The following SULT4A1 variants were observed in gnomAD, a reference collection of about 807,000 sequenced individuals.
The protein encoded by SULT4A1 is sulfotransferase family 4A member 1, also known as sulfotransferase 4A1.
Under a neutral mutation model 35.2 loss-of-function variants are expected in SULT4A1, and 11 were observed. The ratio of observed to expected loss-of-function variants is 0.31; its 90% CI spans 0.20 to 0.52. The LOEUF (loss-of-function observed/expected upper bound fraction) is 0.52. Ranked by LOEUF, SULT4A1 falls within the 20% of genes least tolerant of loss-of-function variation. SULT4A1 has a pLI of 0.97. For missense variants in SULT4A1, 271 were observed against 383.7 expected (o/e 0.71, Z 2.45); for synonymous variants, 152 against 151.8 (o/e 1.00, Z -0.01).
Position 43,858,719 on chromosome 22 carries a change from C to T in SULT4A1, c.169+3495G>A, listed in dbSNP as rs558473787. ...TGGCAGGTGCTAGCTCCCACCCCCACGCCTCTCTTACCCCCTCCTGTGGGT... is the reference window on the plus strand; with the variant it reads ...TGGCAGGTGCTAGCTCCCACCCCCATGCCTCTCTTACCCCCTCCTGTGGGT... On this transcript the variant is annotated intron_variant, in intron 1 of 6. Coordinates refer to ENST00000330884, the MANE Select transcript of SULT4A1 (RefSeq NM_014351.4). Among the ~76,000 whole-genome samples, 109 of 152,238 alleles carry T rather than the reference C, an allele frequency of 7.2e-4. 3 individuals are homozygous for T. Among genetic ancestry groups the T allele is most frequent in the South Asian group, 6.2e-3 (30 of 4,816 alleles).
intron 2 of SULT4A1, 29 bp downstream of exon 2, chr22:43,841,773 C>A: frequency 6.2e-7 from 1 of 1,606,530 alleles, no homozygotes; most frequent in Non-Finnish European, 8.5e-7. Flanking sequence ...TAAAGAGGTG[C>A]TGGGACAGGT....
chr22:43,844,376 T>TG (rs1175385354), intron 1 of SULT4A1, among the ~76,000 whole-genome samples: 1 of 152,120 alleles, frequency 6.6e-6, no homozygotes, highest in Non-Finnish European at 1.5e-5. Flanking sequence ...GAGGACACCC[T>TG]GGCACTCACT....
At chr22:43,826,458 C>T (rs1603403423) in intron 6 of SULT4A1, 2 of 985,360 alleles carry the variant, frequency 2.0e-6, no homozygotes, top group Non-Finnish European at 2.4e-6. Context: ...TAGAACGGCA[C>T]CTGGCACGTG....
intron 1 of SULT4A1, among the ~76,000 whole-genome samples, chr22:43,856,530 A>C (rs1224721365): frequency 6.6e-6 from 1 of 151,930 alleles, no homozygotes; most frequent in East Asian, 1.9e-4. Flanking sequence ...AGAACCCCAA[A>C]CCCTCCCTAC....
At chr22:43,833,851 C>T (rs2063343458) in intron 4 of SULT4A1, 117 bp from the exon 5 acceptor site, 4 of 839,708 alleles carry the variant, frequency 4.8e-6, no homozygotes, top group East Asian at 2.7e-5. Flanking sequence ...ATGAGGACAT[C>T]GTGATCCCTG....
chr22:43,832,819 CA>C (rs1032495173), intron 5 of SULT4A1, among the ~76,000 whole-genome samples: 2 of 152,092 alleles, frequency 1.3e-5, no homozygotes, highest in African/African-American at 4.8e-5. Flanking sequence ...TTCTGACCTC[CA>C]ACTCCAGCAC....
exon 1 of SULT4A1, chr22:43,862,510 TGACGTCATGGCGCCGCCGACGC>T: frequency 3.4e-6 from 3 of 870,444 alleles, no homozygotes; most frequent in Non-Finnish European, 4.1e-6. Flanking sequence ...TCCGCAGGCG[TGACGTCATGGCGCCGCCGACGC>T]GCGGCGGAGG....
intron 4 of SULT4A1, among the ~76,000 whole-genome samples, chr22:43,837,597 C>T (rs2063387775): frequency 6.6e-6 from 1 of 152,154 alleles, no homozygotes; most frequent in Non-Finnish European, 1.5e-5. Context: ...CTACCCCTTG[C>T]AGGCAGGGCC....
At chr22:43,838,614 AC>A (rs925883926) in intron 4 of SULT4A1, among the ~76,000 whole-genome samples, 2 of 152,136 alleles carry the variant, frequency 1.3e-5, no homozygotes, top group Non-Finnish European at 2.9e-5. Context: ...CTTCTCAGAC[AC>A]CCCGACAGTG....
intron 1 of SULT4A1, among the ~76,000 whole-genome samples, chr22:43,860,285 A>T (rs944119398): frequency 2.0e-5 from 3 of 151,256 alleles, no homozygotes; most frequent in Non-Finnish European, 4.4e-5. Context: ...TGTCTCCCCC[A>T]TCAGACTGAG....
At chr22:43,855,652 T>A (rs2049393737) in intron 1 of SULT4A1, among the ~76,000 whole-genome samples, 1 of 152,106 alleles carries the variant, frequency 6.6e-6, no homozygotes, top group South Asian at 2.1e-4. Context: ...CGCTCCCTGC[T>A]AACCATAACA....
intron 5 of SULT4A1, among the ~76,000 whole-genome samples, chr22:43,831,658 A>G (rs1217408547): frequency 6.6e-6 from 1 of 152,260 alleles, no homozygotes; most frequent in African/African-American, 2.4e-5. Context: ...CGCGCCACGC[A>G]GGTGGAGGAG....
In SULT4A1 at chr22:43,829,131, T is replaced by C; in HGVS notation, c.671A>G (p.Glu224Gly). The change falls in exon 6 of 7, where the codon GAA becomes GGA. Residue 224 changes from glutamate (E) to glycine (G), a missense_variant. Around this residue, in one of 3 missense-constraint regions of SULT4A1, gnomAD observed 75 missense variants for 67.7 expected, o/e 1.11. Transcript: ENST00000330884. Reference sequence around the variant, plus strand: ...CTGGTGGCAGTGCTCCGTCAGGGCTTCCAGCTGGGCCTTGTCACAGGACAC... The same window carrying C: ...CTGGTGGCAGTGCTCCGTCAGGGCTCCCAGCTGGGCCTTGTCACAGGACAC... ...LGVSCDKAQL[E>G]ALTEHCHQLV... 1 of 1,559,982 alleles carries C rather than the reference T, an allele frequency of 6.4e-7. No homozygotes were observed. The highest frequency in any genetic ancestry group is 8.7e-7 in the Non-Finnish European group (1 of 1,152,034).
chr22:43,841,464 A>G (rs940897569), intron 2 of SULT4A1, among the ~76,000 whole-genome samples: 2 of 152,248 alleles, frequency 1.3e-5, no homozygotes, highest in Middle Eastern at 3.4e-3. Flanking sequence ...TATTTGATGC[A>G]AACACATCCT....
chr22:43,825,746 C>T lies in SULT4A1; in HGVS notation c.*255G>A, dbSNP rs753525575. On this transcript the variant is annotated 3_prime_UTR_variant, in exon 7 of 7. Transcript: ENST00000330884. ...GCATATATTACAGGCTTTATCCTTA[C>T]GGTCCAGGCCATTGGAACTGCAATG... The T allele has an allele frequency of 1.1e-5, 4 of 379,708 alleles. No homozygotes were observed. Among genetic ancestry groups the T allele is most frequent in the Admixed American group, 4.4e-5 (1 of 22,530 alleles). The allele number at this position is 379,708 out of a possible 1,614,324, so 23.5% of individuals were successfully genotyped here.
intron 2 of SULT4A1, 35 bp downstream of exon 2, chr22:43,841,767 G>C: frequency 6.2e-7 from 1 of 1,603,166 alleles, no homozygotes; most frequent in Non-Finnish European, 8.5e-7. Context: ...ATACCCTAAA[G>C]AGGTGCTGGG....
chr22:43,854,417 T>G (rs1026939437), intron 1 of SULT4A1, among the ~76,000 whole-genome samples: 4 of 152,200 alleles, frequency 2.6e-5, no homozygotes, highest in African/African-American at 7.2e-5. Flanking sequence ...CTAGTCAATC[T>G]GCACACACGG....
intron 1 of SULT4A1, among the ~76,000 whole-genome samples, chr22:43,851,304 T>TGAGTG (rs1284287746): frequency 6.6e-6 from 1 of 152,192 alleles, no homozygotes; most frequent in Non-Finnish European, 1.5e-5. Flanking sequence ...CAAAGACTTA[T>TGAGTG]GAGTGGAGGT....
chr22:43,827,468 T>G, intron 6 of SULT4A1: 1 of 1,246,184 alleles, frequency 8.0e-7, no homozygotes. Context: ...CCATGATTAT[T>G]TTTCTCAGCT....
Sources: gnomAD v4.1 joint callset for allele counts (sites outside exome capture counted in the v4.1 genomes callset) on GRCh38, gnomAD v4.1.1 for gene constraint, gnomAD v4.1.1 regional missense constraint, MANE v1.5 for transcripts, NCBI Gene and HGNC (gene_info 2026-07-23, HGNC 2026-07-21) for gene names.